Variants in KAZN observed in about 807,000 individuals in gnomAD.
KAZN encodes kazrin, periplakin interacting protein.
KAZN carries 40 observed loss-of-function variants against 87.4 expected under a neutral mutation model. The observed-to-expected ratio is 0.46, with a 90% CI of 0.36 to 0.60. KAZN has a LOEUF of 0.60. KAZN is among the 20% of genes least tolerant of loss of function. KAZN has a pLI of 0.00. For synonymous variants in KAZN, 466 were observed against 458.3 expected (o/e 1.02, Z -0.22); for missense variants, 898 against 1,073.9 (o/e 0.84, Z 2.29).
chr1:14,776,933 CAAA>C (rs56275592), intron 1 of KAZN, among the ~76,000 whole-genome samples: 22,214 of 112,856 alleles, frequency 0.2, 2,020 homozygotes, highest in East Asian at 0.54. Flanking sequence ...TACCCTGTCT[CAAA>C]AAAAAAAAAA....
At chr1:14,293,004 G>A (rs1653835036) in intron 2 of KAZN, among the ~76,000 whole-genome samples, 1 of 152,192 alleles carries the variant, frequency 6.6e-6, no homozygotes, top group Non-Finnish European at 1.5e-5. Context: ...AAGTGGGCGT[G>A]GAGAGGTGAA....
intron 1 of KAZN, among the ~76,000 whole-genome samples, chr1:14,078,760 C>T (rs1284777609): frequency 6.6e-6 from 1 of 152,200 alleles, no homozygotes; most frequent in Non-Finnish European, 1.5e-5. Context: ...TCTCAGCTCA[C>T]TGCAAACTCT....
intron 2 of KAZN, among the ~76,000 whole-genome samples, chr1:14,274,254 G>T (rs1652176356): frequency 6.6e-6 from 1 of 152,204 alleles, no homozygotes; most frequent in Non-Finnish European, 1.5e-5. Context: ...GCACTTTGTT[G>T]TATGAAATGG....
At chr1:13,907,425 G>A (rs1421646538) in intron 1 of KAZN, among the ~76,000 whole-genome samples, 1 of 152,092 alleles carries the variant, frequency 6.6e-6, no homozygotes, top group Non-Finnish European at 1.5e-5. Context: ...CCAGCCCCGG[G>A]GTATGGGCCC....
At chr1:14,828,424 C>A (rs7555045) in intron 1 of KAZN, among the ~76,000 whole-genome samples, 7,789 of 152,128 alleles carry the variant, frequency 0.051, 574 homozygotes, top group African/African-American at 0.16. Flanking sequence ...TATTATCGAT[C>A]AATTGGATGA....
In KAZN at chr1:14,625,465, C is replaced by G. The variant is rs1679066280; in HGVS notation, c.226+26242C>G. On this transcript the variant is annotated intron_variant, in intron 1 of 14. Transcript: ENST00000376030. ...AAATGAACAGTTTAAAAGCAGAGGA[C>G]CAAAGGAATCACTTAGAGAAGTCAA... 2.0e-5 allele frequency among the ~76,000 whole-genome samples: 3 copies of G among 152,158 alleles called. No individual in the cohort carries two copies. The South Asian group carries it at 6.2e-4, about 32-fold the overall frequency.
In KAZN at chr1:14,856,640, T is replaced by A. The variant is rs888455675; in HGVS notation, c.227-104044T>A. Reference sequence around the variant, plus strand: ...GTGATGCAGCCACACATTCTTTGGGTTTTTACATTTTGGGGAATAAATAGG... The same window carrying A: ...GTGATGCAGCCACACATTCTTTGGGATTTTACATTTTGGGGAATAAATAGG... On this transcript the variant is annotated intron_variant, in intron 1 of 14. Transcript: ENST00000376030. This position sits in a 1 kb window ranked among gnomAD's most constrained non-coding sequence, Gnocchi z 5.2. Among the ~76,000 whole-genome samples the A allele has an allele frequency of 6.6e-6, 1 of 152,136 alleles. No individual in the cohort carries two copies. The highest frequency in any genetic ancestry group is 1.5e-5 in the Non-Finnish European group (1 of 68,030).
intron 13 of KAZN, among the ~76,000 whole-genome samples, chr1:15,109,409 G>A (rs191334017): frequency 9.2e-5 from 14 of 152,250 alleles, no homozygotes; most frequent in East Asian, 1.9e-4. Flanking sequence ...GGACTTTATC[G>A]TACAGATGAG....
chr1:14,802,508 G>A (rs1363432794), intron 1 of KAZN, among the ~76,000 whole-genome samples: 1 of 152,100 alleles, frequency 6.6e-6, no homozygotes, highest in Non-Finnish European at 1.5e-5. Context: ...GGGGTTACTA[G>A]TGAGATCTGG....
At chr1:14,780,357 G>C (rs1244878518) in intron 1 of KAZN, among the ~76,000 whole-genome samples, 1 of 152,108 alleles carries the variant, frequency 6.6e-6, no homozygotes, top group Non-Finnish European at 1.5e-5. Flanking sequence ...GCATTTGGAG[G>C]TTGAGTGTCT....
At chr1:14,526,551 A>G (rs992312332) in intron 2 of KAZN, among the ~76,000 whole-genome samples, 2 of 152,246 alleles carry the variant, frequency 1.3e-5, no homozygotes, top group African/African-American at 4.8e-5. Flanking sequence ...CGGGTCATCT[A>G]TAGCTGAAAT....
chr1:14,895,933 G>A (rs1291902707), intron 1 of KAZN, among the ~76,000 whole-genome samples: 3 of 152,168 alleles, frequency 2.0e-5, no homozygotes, highest in Admixed American at 1.3e-4. Flanking sequence ...TCTCAGAGGA[G>A]GTGACACTTT....
chr1:14,358,166 G>A (rs926232222), intron 2 of KAZN, among the ~76,000 whole-genome samples: 1 of 152,074 alleles, frequency 6.6e-6, no homozygotes, highest in Non-Finnish European at 1.5e-5. Flanking sequence ...ATGTGTCCAG[G>A]AATTTACCCA....
intron 2 of KAZN, among the ~76,000 whole-genome samples, chr1:14,985,910 G>A (rs963160830): frequency 3.8e-4 from 56 of 148,880 alleles, no homozygotes; most frequent in East Asian, 1.4e-3. Context: ...GGCTGAGGCC[G>A]GAAAATCACT....
chr1:14,796,602 G>C (rs137917788), intron 1 of KAZN, among the ~76,000 whole-genome samples: 17 of 152,322 alleles, frequency 1.1e-4, no homozygotes, highest in Non-Finnish European at 2.5e-4. Flanking sequence ...GGGTATAGAC[G>C]TGCATGGTTC....
At chr1:14,630,314 G>T (rs1195350779) in intron 1 of KAZN, among the ~76,000 whole-genome samples, 1 of 152,136 alleles carries the variant, frequency 6.6e-6, no homozygotes, top group Non-Finnish European at 1.5e-5. Flanking sequence ...AAGTGTGGAT[G>T]GTGGGGGGAA....
chr1:14,998,289 C>T (rs1219610193), intron 2 of KAZN, among the ~76,000 whole-genome samples: 4 of 152,186 alleles, frequency 2.6e-5, no homozygotes, highest in African/African-American at 9.6e-5. Context: ...ATATGGGAGC[C>T]TGGGCCTTCT....
In KAZN at chr1:15,032,558, A is replaced by G. The variant is rs558456423; in HGVS notation, c.419-2191A>G. Among the ~76,000 whole-genome samples the G allele has an allele frequency of 2.6e-5, 4 of 152,168 alleles. No homozygotes were observed. In the South Asian group the frequency reaches 8.3e-4, roughly 32 times the overall value. On this transcript the variant is annotated intron_variant, in intron 2 of 14. Transcript: ENST00000376030. ...TTAGTGGCTGGCCTTTTCCCTTAGC[A>G]TGTTTTCAAGGTTCATCCATGTTGT...
intron 1 of KAZN, among the ~76,000 whole-genome samples, chr1:14,083,429 C>G (rs1206237766): frequency 6.6e-6 from 1 of 152,148 alleles, no homozygotes; most frequent in Non-Finnish European, 1.5e-5. Flanking sequence ...GTTTAGTAAC[C>G]TCTCTGAAAC....
Sources: gnomAD v4.1 joint callset for allele counts (sites outside exome capture counted in the v4.1 genomes callset) on GRCh38, gnomAD v4.1.1 for gene constraint, Gnocchi (gnomAD v3.1) non-coding constraint, MANE v1.5 for transcripts, NCBI Gene and HGNC (gene_info 2026-07-23, HGNC 2026-07-21) for gene names.